The following PLCB2 variants were observed in gnomAD, a reference collection of about 807,000 sequenced individuals.
The protein encoded by PLCB2 is phospholipase C beta 2, also known as 1-phosphatidylinositol 4,5-bisphosphate phosphodiesterase beta-2.
A neutral mutation model predicts 141.7 loss-of-function variants in PLCB2; 115 were observed. The ratio of observed to expected loss-of-function variants is 0.81; its 90% CI spans 0.70 to 0.95. PLCB2 has a LOEUF of 0.95. Ranked by LOEUF, PLCB2 falls within the 40% of genes least tolerant of loss-of-function variation. The pLI is 0.00. For synonymous variants in PLCB2, 603 were observed against 595.6 expected (o/e 1.01, Z -0.18); for missense variants, 1,403 against 1,541.1 (o/e 0.91, Z 1.50).
At chr15:40,290,232 G>C (rs1459437292) in intron 29 of PLCB2, 150 bp from the exon 30 acceptor site, 2 of 660,368 alleles carry the variant, frequency 3.0e-6, no homozygotes, top group Non-Finnish European at 5.5e-6. Flanking sequence ...GGAGTATGTA[G>C]GGGCCACTGG....
chr15:40,297,029 C>T lies in PLCB2; in HGVS notation c.1324-121G>A. The stretch of plus-strand genomic sequence containing the variant: ...CCTCTTGACCTGCCTCTCACTACTG[C>T]TTATCATCCCCATTCTCACTGAGAT... On this transcript the variant is annotated intron_variant, in intron 13 of 31. Transcript: ENST00000260402. This position sits in a 1 kb window ranked among gnomAD's most constrained non-coding sequence, Gnocchi z 4.2. The T allele has an allele frequency of 2.3e-6, 2 of 871,224 alleles. No homozygotes were observed. The highest frequency in any genetic ancestry group is 2.3e-5 in the Admixed American group (1 of 43,542). 54.0% of individuals were successfully genotyped at this position (871,224 alleles called of 1,614,324 possible).
At chr15:40,287,361 ACT>A (rs1319211453), downstream of PLCB2, among the ~76,000 whole-genome samples, 5 of 152,056 alleles carry the variant, frequency 3.3e-5, no homozygotes, top group African/African-American at 9.6e-5. Flanking sequence ...ATGTGCTGTA[ACT>A]CTAATAAGAA....
At position 40,302,016 on chromosome 15, in the gene PLCB2, G is replaced by A. The variant is rs2040535155; in HGVS notation, c.523C>T (p.Pro175Ser). ...GCTTCCACCCGCTTGCGGTCAGCAG[G>A]AAACATCTGGAAAAAGCTGAAGGGG... ...IPVKNFFQMF[P>S]ADRKRVEAAL... is the part of the protein sequence containing the mutation. Residue 175 changes from proline to serine, a missense_variant, in exon 7 of 32, where the codon CCT becomes TCT. Transcript: ENST00000260402. The A allele has an allele frequency of 6.2e-7, 1 of 1,614,058 alleles. No homozygotes were observed. The highest frequency in any genetic ancestry group is 1.3e-5 in the African/African-American group (1 of 74,930).
At chr15:40,295,147 C>G (rs1206899572) in intron 17 of PLCB2, 54 bp downstream of exon 17, 2 of 1,609,462 alleles carry the variant, frequency 1.2e-6, no homozygotes, top group East Asian at 4.5e-5. Flanking sequence ...CCCAGGCCCT[C>G]CTCTGGCTCC....
At chr15:40,295,385 G>T in intron 16 of PLCB2, 100 bp from the exon 17 acceptor site, 1 of 778,770 alleles carries the variant, frequency 1.3e-6, no homozygotes. Flanking sequence ...CTATAGAGAT[G>T]CCTCCACCCC....
intron 17 of PLCB2, 33 bp from the exon 18 acceptor site, chr15:40,295,093 A>C (rs1566879072): frequency 2.5e-6 from 4 of 1,609,686 alleles, no homozygotes; most frequent in Non-Finnish European, 1.7e-6. Context: ...AGCCAAGGCC[A>C]TCTGCACCAG....
At chr15:40,305,645 T>TG (rs1199007681) in intron 1 of PLCB2, among the ~76,000 whole-genome samples, 1 of 152,166 alleles carries the variant, frequency 6.6e-6, no homozygotes, top group Non-Finnish European at 1.5e-5. Flanking sequence ...ATAGAAATGC[T>TG]GGGGGGACTT....
In PLCB2 at chr15:40,301,796, C is replaced by T. The variant is rs1028366538; in HGVS notation, c.582+161G>A. ...CCCTTGCCCTGGCTCCACCCCTGTGCCTAGTGTCAGTAACCAGCAGCTCCA... is the reference window on the plus strand; with the variant it reads ...CCCTTGCCCTGGCTCCACCCCTGTGTCTAGTGTCAGTAACCAGCAGCTCCA... On this transcript the variant is annotated intron_variant, in intron 7 of 31. Coordinates refer to ENST00000260402, the MANE Select transcript of PLCB2 (RefSeq NM_004573.3). 4.2e-6 allele frequency: 3 copies of T among 712,420 alleles called. No individual in the cohort carries two copies. In the African/African-American group the frequency reaches 5.2e-5, roughly 12 times the overall value. The allele number at this position is 712,420 out of a possible 1,614,324, so 44.1% of individuals were successfully genotyped here.
chr15:40,298,190 C>T (rs749784295), intron 11 of PLCB2, 33 bp downstream of exon 11: 1 of 1,531,136 alleles, frequency 6.5e-7, no homozygotes, highest in South Asian at 1.3e-5. Context: ...TCCCTACTGC[C>T]ACGGCCACCA....
intron 1 of PLCB2, among the ~76,000 whole-genome samples, chr15:40,306,641 C>CCCTAG (rs1488564813): frequency 6.6e-6 from 1 of 152,164 alleles, no homozygotes; most frequent in Admixed American, 6.5e-5. Flanking sequence ...CAGCGAGATC[C>CCCTAG]CCTAGCCTAG....
downstream of PLCB2, among the ~76,000 whole-genome samples, chr15:40,287,180 G>C (rs1323963224): frequency 2.0e-5 from 3 of 152,216 alleles, no homozygotes; most frequent in African/African-American, 7.2e-5. Flanking sequence ...GTAGGGAGCA[G>C]GCTGATCAAT....
chr15:40,299,906 T>C (rs1484533192), intron 7 of PLCB2, among the ~76,000 whole-genome samples: 1 of 152,182 alleles, frequency 6.6e-6, no homozygotes, highest in African/African-American at 2.4e-5. Flanking sequence ...AGAAGATATA[T>C]AAGTGACTAA....
Position 40,307,807 on chromosome 15 carries a change from G to T in PLCB2, c.-135C>A. On this transcript the variant is annotated 5_prime_UTR_variant, in exon 1 of 32. Transcript: ENST00000260402. ...CCCGAGCTGCTCCAGAAATCTAGTT[G>T]CTCTTATAGCCCCTGGGGTGGCCCT... 2 of 648,812 alleles carry T rather than the reference G, an allele frequency of 3.1e-6. No homozygotes were observed. Among genetic ancestry groups the T allele is most frequent in the Non-Finnish European group, 2.6e-6 (1 of 388,424 alleles). The allele number at this position is 648,812 out of a possible 1,614,324, so 40.2% of individuals were successfully genotyped here.
chr15:40,295,028 G>C lies in PLCB2; in HGVS notation c.1814C>G (p.Pro605Arg), dbSNP rs945118506. 2 of 1,613,562 alleles carry C rather than the reference G, an allele frequency of 1.2e-6. No individual in the cohort carries two copies. The change falls in exon 18 of 32, where the codon CCC becomes CGC. Residue 605 changes from proline (P) to arginine (R), a missense_variant. By Grantham distance (103) the Pro-to-Arg change is moderately radical. Coordinates refer to ENST00000260402, the MANE Select transcript of PLCB2 (RefSeq NM_004573.3). Reference protein sequence around the residue: ...YNKRQMSRIYPKGTRMDSSNY... With the variant: ...YNKRQMSRIYRKGTRMDSSNY... ...GGAGGAGTCCATGCGGGTTCCCTTG[G>C]GGTAAATGCGGCTCATCTGGCGCTT...
chr15:40,288,129 A>C lies in PLCB2; in HGVS notation c.*586T>G, dbSNP rs2039653557. 1.0e-6 allele frequency: 1 copy of C among 985,438 alleles called. No individual in the cohort carries two copies. Among genetic ancestry groups the C allele is most frequent in the African/African-American group, 1.7e-5 (1 of 57,242 alleles). The allele number at this position is 985,438 out of a possible 1,614,324, so 61.0% of individuals were successfully genotyped here. Reference sequence around the variant, plus strand: ...CCTTGTGACTCAGCCAAGCAGGGCCAAGGCAGCTTTTCCATTTCAGCCTCC... The same window carrying C: ...CCTTGTGACTCAGCCAAGCAGGGCCCAGGCAGCTTTTCCATTTCAGCCTCC... On this transcript the variant is annotated 3_prime_UTR_variant, in exon 32 of 32. Transcript: ENST00000260402.
intron 7 of PLCB2, chr15:40,301,307 A>T (rs1010521445): frequency 6.4e-5 from 34 of 531,094 alleles, no homozygotes; most frequent in Non-Finnish European, 9.7e-5. Flanking sequence ...CCAAGCAGGG[A>T]CAGGGGCTGA....
chr15:40,296,329 G>A lies in PLCB2; in HGVS notation c.1663C>T (p.Pro555Ser). The A allele has an allele frequency of 6.2e-7, 1 of 1,613,728 alleles. No homozygotes were observed. The highest frequency in any genetic ancestry group is 8.5e-7 in the Non-Finnish European group (1 of 1,179,842). ...AACTCAAAGGAGACGAACTTGGTGG[G>A]CTGGATGTAATTGACTAGGCTGGAC... is the stretch of plus-strand genomic sequence containing the variant. Reference protein sequence around the residue: ...EMSSLVNYIQPTKFVSFEFSA... With the variant: ...EMSSLVNYIQSTKFVSFEFSA... The change falls in exon 16 of 32, where the codon CCC becomes TCC. Residue 555 changes from proline to serine, a missense_variant. By Grantham distance (74) the Pro-to-Ser change is moderately conservative (BLOSUM62 -1). This residue lies in a region of PLCB2 where 975 missense variants were observed against 1,141.1 expected (regional missense o/e 0.85). Transcript: ENST00000260402.
Position 40,291,316 on chromosome 15 carries a change from C to G in PLCB2, c.2819G>C (p.Gly940Ala). 6.5e-7 allele frequency: 1 copy of G among 1,543,904 alleles called. No individual in the cohort carries two copies. The highest frequency in any genetic ancestry group is 2.4e-5 in the East Asian group (1 of 41,266). Reference protein sequence around the residue: ...QLAELGPPGVGGVGACKLGPG... With the variant: ...QLAELGPPGVAGVGACKLGPG... ...ACCGAGCTTGCAGGCCCCGACGCCC[C>G]CCACGCCCGGTGGCCCGAGCTCCGC... The change falls in exon 26 of 32, where the codon GGG becomes GCG. Residue 940 changes from glycine to alanine, a missense_variant. Gly to Ala is a moderately conservative substitution (Grantham distance 60). Transcript: ENST00000260402.
chr15:40,295,119 T>G, intron 17 of PLCB2, 59 bp from the exon 18 acceptor site: 1 of 1,610,944 alleles, frequency 6.2e-7, no homozygotes, highest in South Asian at 1.1e-5. Flanking sequence ...CCTAACAGCT[T>G]ACCCTGGGGG....
Sources: gnomAD v4.1 joint callset for allele counts (sites outside exome capture counted in the v4.1 genomes callset) on GRCh38, gnomAD v4.1.1 for gene constraint, gnomAD v4.1.1 regional missense constraint, Gnocchi (gnomAD v3.1) non-coding constraint, MANE v1.5 for transcripts, NCBI Gene and HGNC (gene_info 2026-07-23, HGNC 2026-07-21) for gene names.